The following STRN variants were observed in gnomAD, a reference collection of about 807,000 sequenced individuals.
STRN encodes striatin.
Under a neutral mutation model 96.3 loss-of-function variants are expected in STRN, and 53 were observed. That is an observed-to-expected ratio of 0.55 (90% CI 0.44 to 0.69). The LOEUF (loss-of-function observed/expected upper bound fraction) is 0.69. Ranked by LOEUF, STRN falls within the 30% of genes least tolerant of loss-of-function variation. The pLI is 0.00. For missense variants in STRN, 987 were observed against 963.9 expected (o/e 1.02, Z -0.32); for synonymous variants, 428 against 355.9 (o/e 1.20, Z -2.28).
Position 36,848,336 on chromosome 2 carries a change from C to T in STRN, c.*1120G>A, listed in dbSNP as rs1668132568. The T allele has an allele frequency of 6.6e-6, 1 of 152,174 alleles. No homozygotes were observed. Among genetic ancestry groups the T allele is most frequent in the Non-Finnish European group, 1.5e-5 (1 of 68,036 alleles). The allele number at this position is 152,174 out of a possible 1,614,324, so 9.4% of individuals were successfully genotyped here. On this transcript the variant is annotated 3_prime_UTR_variant, in exon 18 of 18. Transcript: ENST00000263918. ...GGATTAATAGAGGACTTCTAGGGTA[C>T]AAAATATTTGTTTTTATTAGTGCTT...
intron 7 of STRN, among the ~76,000 whole-genome samples, 173 bp from the exon 8 acceptor site, chr2:36,886,999 A>G (rs1299210236): frequency 6.6e-6 from 1 of 151,726 alleles, no homozygotes; most frequent in African/African-American, 2.4e-5. Context: ...ATCACTAAGA[A>G]GAAATGATCA....
In STRN at chr2:36,858,015, C is replaced by G. The variant is rs1299031396; in HGVS notation, c.1678G>C (p.Val560Leu). 1.3e-6 allele frequency: 2 copies of G among 1,597,466 alleles called. No homozygotes were observed. The highest frequency in any genetic ancestry group is 1.7e-6 in the Non-Finnish European group (2 of 1,170,378). Residue 560 changes from valine to leucine, a missense_variant, in exon 14 of 18, where the codon GTT (valine) becomes CTT (leucine). Val to Leu is a conservative substitution (Grantham distance 32, BLOSUM62 1). Transcript: ENST00000263918. ...TGGCCTAGCAGAGGGCCTCGTAAAA[C>G]AGAAGGATCTATACAAAACAGTAAA... is the stretch of plus-strand genomic sequence containing the variant. ...IDPYDSYDPS[V>L]LRGPLLGHTD...
At chr2:36,910,263 A>G (rs1437385208) in intron 3 of STRN, among the ~76,000 whole-genome samples, 1 of 152,136 alleles carries the variant, frequency 6.6e-6, no homozygotes, top group African/African-American at 2.4e-5. Flanking sequence ...ACGTGAGCGG[A>G]AGACTTTAAG....
At chr2:36,917,770 G>C (rs1670148435) in intron 2 of STRN, among the ~76,000 whole-genome samples, 1 of 151,906 alleles carries the variant, frequency 6.6e-6, no homozygotes, top group African/African-American at 2.4e-5. Context: ...TTTTATAACA[G>C]TCTTTATATC....
At chr2:36,897,891 A>C (rs1669587731) in intron 6 of STRN, among the ~76,000 whole-genome samples, 1 of 151,892 alleles carries the variant, frequency 6.6e-6, no homozygotes, top group Non-Finnish European at 1.5e-5. Context: ...GGGTCTTGCT[A>C]TGTTGCCTAG....
At chr2:36,923,985 A>G (rs1310452702) in intron 2 of STRN, among the ~76,000 whole-genome samples, 2 of 152,196 alleles carry the variant, frequency 1.3e-5, no homozygotes, top group Non-Finnish European at 2.9e-5. Flanking sequence ...AGTATCTTAG[A>G]CACTAGCAAA....
chr2:36,839,054 C>A lies in STRN; in HGVS notation c.*10402G>T, dbSNP rs1236694879. Among the ~76,000 whole-genome samples, 2 of 152,126 alleles carry A rather than the reference C, an allele frequency of 1.3e-5. No homozygotes were observed. Among genetic ancestry groups the A allele is most frequent in the East Asian group, 3.9e-4 (2 of 5,194 alleles). On this transcript the variant is annotated 3_prime_UTR_variant, in exon 18 of 18. Transcript: ENST00000263918. The stretch of plus-strand genomic sequence containing the variant: ...TAGAATAAAACCCCATATGTAATAA[C>A]TGGGTATACACATTTGTATGAATAA...
chr2:36,917,445 C>G (rs910616788), intron 2 of STRN, among the ~76,000 whole-genome samples: 2 of 150,228 alleles, frequency 1.3e-5, no homozygotes, highest in Non-Finnish European at 3.0e-5. Flanking sequence ...CACTTAAACC[C>G]GGCTGCAGAG....
chr2:36,894,292 T>A (rs1336391229), intron 6 of STRN, among the ~76,000 whole-genome samples: 1 of 152,216 alleles, frequency 6.6e-6, no homozygotes, highest in African/African-American at 2.4e-5. Context: ...AGACATGTAC[T>A]GAAATGACAG....
intron 1 of STRN, among the ~76,000 whole-genome samples, chr2:36,931,117 G>A (rs1402926109): frequency 6.6e-6 from 1 of 151,740 alleles, no homozygotes; most frequent in African/African-American, 2.4e-5. Context: ...TTACAGGTGT[G>A]AGCTATCGCG....
intron 10 of STRN, among the ~76,000 whole-genome samples, chr2:36,875,806 G>A (rs1558632710): frequency 6.6e-6 from 1 of 151,956 alleles, no homozygotes; most frequent in Admixed American, 6.6e-5. Flanking sequence ...ACAGGCACCC[G>A]CCACAATGCC....
chr2:36,853,903 C>G (rs1274785186), intron 15 of STRN, among the ~76,000 whole-genome samples: 2 of 152,114 alleles, frequency 1.3e-5, no homozygotes, highest in Non-Finnish European at 2.9e-5. Context: ...TATTACAACT[C>G]AAAATAATGA....
intron 4 of STRN, among the ~76,000 whole-genome samples, chr2:36,904,176 AGT>A (rs1295252733): frequency 2.0e-5 from 3 of 152,372 alleles, no homozygotes; most frequent in African/African-American, 7.2e-5. Flanking sequence ...TTAAGATCAA[AGT>A]GTGGGCATTA....
rs115484064 is a variant in STRN at position 36,861,958 on chromosome 2, T to C, written c.1548-705A>G. On this transcript the variant is annotated intron_variant, in intron 12 of 17. Transcript: ENST00000263918. ...ACAGTCAAGTTGGCCCTAGTGTCTA[T>C]TGTTCCCTTCTTCTGTCCATGTATA... 5.3e-3 allele frequency among the ~76,000 whole-genome samples: 813 copies of C among 152,260 alleles called. 6 individuals are homozygous for C. Among genetic ancestry groups the C allele is most frequent in the African/African-American group, 0.018 (754 of 41,550 alleles).
intron 1 of STRN, among the ~76,000 whole-genome samples, chr2:36,963,602 AT>A (rs975015153): frequency 9.2e-5 from 14 of 152,314 alleles, no homozygotes; most frequent in African/African-American, 3.1e-4. Context: ...AAAATGACAC[AT>A]TTTTAAAGTT....
At chr2:36,851,391 G>A (rs1363919046) in intron 15 of STRN, among the ~76,000 whole-genome samples, 1 of 151,996 alleles carries the variant, frequency 6.6e-6, no homozygotes, top group Non-Finnish European at 1.5e-5. Flanking sequence ...GCTGAGGCAG[G>A]AAAATCACTT....
chr2:36,867,934 T>A (rs1371578716), intron 11 of STRN, 73 bp from the exon 12 acceptor site: 13 of 1,250,466 alleles, frequency 1.0e-5, no homozygotes, highest in Non-Finnish European at 1.4e-5. Context: ...GTCATAAAAT[T>A]GTCTTTAAAA....
In STRN at chr2:36,916,117, A is replaced by G; in HGVS notation, c.373T>C (p.Leu125=). Reference sequence around the variant, plus strand: ...GGAGGCTTCATATCTCCCTGATTCAATTCTGTCCCGTATTTCAACTTGTGG... The same window carrying G: ...GGAGGCTTCATATCTCCCTGATTCAGTTCTGTCCCGTATTTCAACTTGTGG... The part of the protein sequence containing the change: ...KYHKLKYGTE[L]NQGDMKPPSY... Residue 125 remains leucine, a synonymous_variant, in exon 3 of 18, where the codon TTG becomes CTG. Transcript: ENST00000263918. 4 of 1,613,718 alleles carry G rather than the reference A, an allele frequency of 2.5e-6. No individual in the cohort carries two copies. The highest frequency in any genetic ancestry group is 3.4e-6 in the Non-Finnish European group (4 of 1,179,840).
Position 36,886,724 on chromosome 2 carries a change from C to A in STRN, c.1034G>T (p.Gly345Val). The change falls in exon 8 of 18, where the codon GGG (glycine) becomes GTG (valine). Residue 345 changes from glycine (G) to valine (V), a missense_variant. Coordinates refer to ENST00000263918, the MANE Select transcript of STRN (RefSeq NM_003162.4). ...CAATGTTTTCCACTTACTCTTCACC[C>A]CCTTTTTCCCCTTTCTCTCCTTTTT... ...QYKKERKGKK[G>V]VKRPNRSKLQ... 2 of 1,608,626 alleles carry A rather than the reference C, an allele frequency of 1.2e-6. No homozygotes were observed. The highest frequency in any genetic ancestry group is 1.7e-6 in the Non-Finnish European group (2 of 1,176,930).
Sources: gnomAD v4.1 joint callset for allele counts (sites outside exome capture counted in the v4.1 genomes callset) on GRCh38, gnomAD v4.1.1 for gene constraint, MANE v1.5 for transcripts, NCBI Gene and HGNC (gene_info 2026-07-23, HGNC 2026-07-21) for gene names.